The following MUC6 variants were observed in gnomAD, a reference collection of about 807,000 sequenced individuals.
MUC6 encodes mucin-6.
Under a neutral mutation model 201.5 loss-of-function variants are expected in MUC6, and 188 were observed. That is an observed-to-expected ratio of 0.93 (90% confidence interval 0.83 to 1.05). The LOEUF (loss-of-function observed/expected upper bound fraction) is 1.05, where lower values mean the gene tolerates loss of function less well. Ranked by LOEUF, MUC6 falls within the 50% of genes least tolerant of loss-of-function variation. MUC6 has a pLI of 0.00. For synonymous variants in MUC6, 1,228 were observed against 1,389.4 expected (o/e 0.88, Z 2.58); for missense variants, 2,706 against 3,256.9 (o/e 0.83, Z 4.12).
intron 26 of MUC6, among the ~76,000 whole-genome samples, chr11:1,022,327 G>GC (rs112706771): frequency 0.12 from 16,169 of 139,684 alleles, 1,136 homozygotes; most frequent in South Asian, 0.31. Flanking sequence ...GCCCTCTACA[G>GC]CCCCGCACCC....
Position 1,028,401 on chromosome 11 carries a change from G to A in MUC6, c.1592-14C>T. The stretch of plus-strand genomic sequence containing the variant: ...TGCCGCAGAGCCCTGAGCCGGCGGG[G>A]CGTGAGCTCGACTTGAACCCATCCC... On this transcript the variant is annotated splice_polypyrimidine_tract_variant and intron_variant, in intron 13 of 32. Transcript: ENST00000421673. The A allele has an allele frequency of 1.2e-6, 2 of 1,609,800 alleles. No homozygotes were observed.
intron 24 of MUC6, 148 bp from the exon 25 acceptor site, chr11:1,024,251 C>A: frequency 1.0e-6 from 1 of 992,416 alleles, no homozygotes; most frequent in Admixed American, 2.5e-5. Context: ...TGGACCTCAG[C>A]CCTGACCGCT....
In MUC6 at chr11:1,029,599, G is replaced by T. The variant is rs1564843653; in HGVS notation, c.1032C>A (p.Asp344Glu). Residue 344 changes from aspartate (D) to glutamate (E), a missense_variant, in exon 9 of 33, where the codon GAC (aspartate) becomes GAA (glutamate). Coordinates refer to ENST00000421673, the MANE Select transcript of MUC6 (RefSeq NM_005961.3). ...CFCPEGTVLN[D>E]LSNNHTCVPV... ...GCACGCAGGTGTGGTTATTGGAGAG[G>T]TCATTCAGGACCGTACCTGCAGGAG... The T allele has an allele frequency of 6.2e-6, 10 of 1,600,268 alleles. No homozygotes were observed. Among genetic ancestry groups the T allele is most frequent in the Non-Finnish European group, 7.7e-6 (9 of 1,172,112 alleles).
chr11:1,021,074 G>A, intron 27 of MUC6, 141 bp downstream of exon 27: 1 of 850,034 alleles, frequency 1.2e-6, no homozygotes, highest in Non-Finnish European at 1.7e-6. Context: ...AAGGGGCCAG[G>A]GTCCTGGAGA....
rs906647465 is a variant in MUC6, at chr11:1,036,617, G to T, written c.39C>A (p.Ala13=). 7 of 1,548,646 alleles carry T rather than the reference G, an allele frequency of 4.5e-6. No homozygotes were observed. Among genetic ancestry groups the T allele is most frequent in the Non-Finnish European group, 6.1e-6 (7 of 1,146,500 alleles). Residue 13 remains alanine, a synonymous_variant, in exon 1 of 33, where the codon GCC becomes GCA. Transcript: ENST00000421673. ...QRWLLLSCCG[A]LLSAGLANTS... ...GACCTCACTCACCAGCGCTGAGCAG[G>T]GCTCCGCAGCAGGACAGCAGCAGCC...
At chr11:1,027,621 C>T (rs1564842123) in intron 16 of MUC6, 64 bp downstream of exon 16, 1 of 1,578,906 alleles carries the variant, frequency 6.3e-7, no homozygotes, top group Non-Finnish European at 8.6e-7. Flanking sequence ...AGCTTGGGGT[C>T]CCAGGACACC....
intron 21 of MUC6, 42 bp from the exon 22 acceptor site, chr11:1,025,957 C>T (rs768684315): frequency 2.5e-6 from 4 of 1,593,092 alleles, no homozygotes; most frequent in Non-Finnish European, 3.4e-6. Flanking sequence ...GGAGGCCGTG[C>T]CTCTGGGTCC....
At chr11:1,032,695 TG>T (rs1857136063) in intron 2 of MUC6, among the ~76,000 whole-genome samples, 2 of 150,836 alleles carry the variant, frequency 1.3e-5, no homozygotes, top group South Asian at 4.2e-4. Flanking sequence ...GTTTGTCAGG[TG>T]TGTTTGTGTG....
At position 1,016,472 on chromosome 11, in the gene MUC6, T is replaced by A; in HGVS notation, c.6329A>T (p.Gln2110Leu). 2.5e-6 allele frequency: 4 copies of A among 1,613,450 alleles called. No individual in the cohort carries two copies. The South Asian group carries it at 4.4e-5, about 18-fold the overall frequency. ...GGTTGCAGAACTCAAGTGGGGGAGTTGTGTGGTGATAGGTGATGACGGTGG... is the reference window on the plus strand; with the variant it reads ...GGTTGCAGAACTCAAGTGGGGGAGTAGTGTGGTGATAGGTGATGACGGTGG... ...SRPPSSPITT[Q>L]LPHLSSATTP... Residue 2110 changes from glutamine to leucine, a missense_variant, in exon 31 of 33, where the codon CAA becomes CTA. Transcript: ENST00000421673.
At chr11:1,023,199 ATG>A (rs1222330092) in intron 26 of MUC6, among the ~76,000 whole-genome samples, 1 of 151,684 alleles carries the variant, frequency 6.6e-6, no homozygotes, top group Admixed American at 6.6e-5. Context: ...GACTGCGTGA[ATG>A]AGCATGAATG....
intron 4 of MUC6, 47 bp downstream of exon 4, chr11:1,031,560 C>T (rs1221777687): frequency 5.2e-6 from 8 of 1,535,812 alleles, no homozygotes; most frequent in African/African-American, 1.4e-5. Flanking sequence ...CCACCTGCCC[C>T]CCCGTGCTGC....
Position 1,013,388 on chromosome 11 carries a change from G to C in MUC6, c.*68C>G. ...CAGCTGCTGGCACAAGCGGGAAGGGGGCTGGTGGGTGTTTTCCTGTCTGTC... is the reference window on the plus strand; with the variant it reads ...CAGCTGCTGGCACAAGCGGGAAGGGCGCTGGTGGGTGTTTTCCTGTCTGTC... On this transcript the variant is annotated 3_prime_UTR_variant, in exon 33 of 33. Coordinates refer to ENST00000421673, the MANE Select transcript of MUC6 (RefSeq NM_005961.3). The C allele has an allele frequency of 6.9e-7, 1 of 1,450,560 alleles. No homozygotes were observed. Among genetic ancestry groups the C allele is most frequent in the East Asian group, 2.5e-5 (1 of 39,546 alleles). The allele number at this position is 1,450,560 out of a possible 1,614,324, so 89.9% of individuals were successfully genotyped here.
At chr11:1,030,100 G>A (rs1287431847) in intron 8 of MUC6, 113 bp downstream of exon 8, 3 of 1,302,994 alleles carry the variant, frequency 2.3e-6, no homozygotes, top group Non-Finnish European at 3.1e-6. Context: ...CTGGGACTCA[G>A]GCAGCAGAAT....
At chr11:1,034,411 C>G (rs1857172589) in intron 1 of MUC6, among the ~76,000 whole-genome samples, 1 of 152,226 alleles carries the variant, frequency 6.6e-6, no homozygotes, top group Non-Finnish European at 1.5e-5. Context: ...CATCCCCCTC[C>G]TGGGGGTCCC....
intron 32 of MUC6, 106 bp downstream of exon 32, chr11:1,013,793 C>T: frequency 1.4e-6 from 2 of 1,401,240 alleles, no homozygotes; most frequent in Non-Finnish European, 2.0e-6. Context: ...CAGAGTGGCT[C>T]ACCTGATGGG....
Position 1,027,140 on chromosome 11 carries a change from C to G in MUC6, c.2284+1G>C. The G allele has an allele frequency of 6.2e-7, 1 of 1,612,468 alleles. No individual in the cohort carries two copies. Among genetic ancestry groups the G allele is most frequent in the Non-Finnish European group, 8.5e-7 (1 of 1,179,764 alleles). Reference sequence around the variant, plus strand: ...CCTGCGGCCAGCGCTGCTGTACGTACCCAGGAACATCTGTGGCCGCTGCGG... The same window carrying G: ...CCTGCGGCCAGCGCTGCTGTACGTAGCCAGGAACATCTGTGGCCGCTGCGG... On this transcript the variant is annotated splice_donor_variant, in intron 18 of 32. Coordinates refer to ENST00000421673, the MANE Select transcript of MUC6 (RefSeq NM_005961.3). LOFTEE classifies it high-confidence loss of function.
At position 1,026,957 on chromosome 11, in the gene MUC6, G is replaced by T; in HGVS notation, c.2378C>A (p.Ala793Asp). ...CCCCCTTACGCAGGCAACACCGGTG[G>T]CCAGCATCTGGCATGTGGGGGCACA... ...AACAPTCQML[A>D]TGVACVPTKC... Residue 793 changes from alanine to aspartate, a missense_variant, in exon 19 of 33, where the codon GCC (alanine) becomes GAC (aspartate). Ala to Asp is a moderately radical substitution (Grantham distance 126, BLOSUM62 -2). This residue lies in a region of MUC6 where 1,850 missense variants were observed against 1,958.3 expected (regional missense o/e 0.94). Coordinates refer to ENST00000421673, the MANE Select transcript of MUC6 (RefSeq NM_005961.3). 1 of 1,591,762 alleles carries T rather than the reference G, an allele frequency of 6.3e-7. No individual in the cohort carries two copies. The highest frequency in any genetic ancestry group is 8.5e-7 in the Non-Finnish European group (1 of 1,170,068).
Position 1,027,290 on chromosome 11 carries a change from T to C in MUC6, c.2209A>G (p.Thr737Ala). The change falls in exon 17 of 33, where the codon ACT becomes GCT. Residue 737 changes from threonine to alanine, a missense_variant. Physicochemically the swap from Thr to Ala is moderately conservative, Grantham distance 58 (BLOSUM62 0). Coordinates refer to ENST00000421673, the MANE Select transcript of MUC6 (RefSeq NM_005961.3). ...CACCAGGTGATGCCGTTGATGACAGTGGACTGCTCGGCCAGGATGAACTTG... is the reference window on the plus strand; with the variant it reads ...CACCAGGTGATGCCGTTGATGACAGCGGACTGCTCGGCCAGGATGAACTTG... ...GYKFILAEQSTVINGITCHCI... is the reference protein window; with the variant it reads ...GYKFILAEQSAVINGITCHCI... 6.2e-7 allele frequency: 1 copy of C among 1,612,582 alleles called. No homozygotes were observed. Among genetic ancestry groups the C allele is most frequent in the South Asian group, 1.1e-5 (1 of 91,078 alleles).
intron 20 of MUC6, 24 bp downstream of exon 20, chr11:1,026,303 G>A (rs779825798): frequency 7.6e-5 from 119 of 1,558,346 alleles, no homozygotes; most frequent in South Asian, 4.5e-4. Context: ...AGCCCAGGGC[G>A]TCTGAAGCGA....
Sources: gnomAD v4.1 joint callset for allele counts (sites outside exome capture counted in the v4.1 genomes callset) on GRCh38, gnomAD v4.1.1 for gene constraint, gnomAD v4.1.1 regional missense constraint, MANE v1.5 for transcripts, NCBI Gene and HGNC (gene_info 2026-07-23, HGNC 2026-07-21) for gene names.